The following WWP1 variants were observed in gnomAD, a reference collection of about 807,000 sequenced individuals.
The protein encoded by WWP1 is WW domain containing E3 ubiquitin protein ligase 1.
Under a neutral mutation model 130.6 loss-of-function variants are expected in WWP1, and 49 were observed. The ratio of observed to expected loss-of-function variants is 0.38; its 90% CI spans 0.30 to 0.48. The LOEUF is 0.48. Among genes scored for constraint, WWP1 ranks in the 20% least tolerant of loss-of-function variants. WWP1 has a pLI of 0.99. For synonymous variants in WWP1, 332 were observed against 367.8 expected, an observed-to-expected ratio of 0.90 and a Z score of 1.11; for missense variants, 809 against 1,100.6, an observed-to-expected ratio of 0.74 and a Z score of 3.75.
chr8:86,351,206 T>A (rs1822897847), intron 1 of WWP1, among the ~76,000 whole-genome samples: 1 of 152,238 alleles, frequency 6.6e-6, no homozygotes, highest in South Asian at 2.1e-4. Flanking sequence ...TAAATCATGT[T>A]TATTGCTCGT....
intron 17 of WWP1, 48 bp downstream of exon 17, chr8:86,438,721 T>A: frequency 7.0e-7 from 1 of 1,426,216 alleles, no homozygotes; most frequent in Non-Finnish European, 9.5e-7. Context: ...TATCTCATTG[T>A]ATACAGGGAA....
chr8:86,360,653 G>C (rs538087390), intron 1 of WWP1, among the ~76,000 whole-genome samples: 1 of 152,300 alleles, frequency 6.6e-6, no homozygotes, highest in South Asian at 2.1e-4. Context: ...CTATTAATTG[G>C]GGGCCTTTCC....
chr8:86,394,564 T>C (rs148677272), intron 5 of WWP1, among the ~76,000 whole-genome samples: 4 of 152,264 alleles, frequency 2.6e-5, no homozygotes, highest in Admixed American at 2.6e-4. Flanking sequence ...AGCAAAGCAG[T>C]GGTAAGGAGG....
At chr8:86,463,050 G>A (rs1811851180) in intron 24 of WWP1, among the ~76,000 whole-genome samples, 1 of 152,138 alleles carries the variant, frequency 6.6e-6, no homozygotes, top group South Asian at 2.1e-4. Context: ...TTTCTTGAAG[G>A]AAAGCTTTTG....
intron 5 of WWP1, among the ~76,000 whole-genome samples, chr8:86,387,934 G>A (rs1586322623): frequency 6.6e-6 from 1 of 152,178 alleles, no homozygotes; most frequent in Admixed American, 6.5e-5. Flanking sequence ...TGCAGTGATG[G>A]TTATATTCTG....
chr8:86,359,845 C>T (rs1007608750), intron 1 of WWP1, among the ~76,000 whole-genome samples: 5 of 151,914 alleles, frequency 3.3e-5, no homozygotes, highest in East Asian at 1.9e-4. Context: ...GTCAGGAGAT[C>T]GAGACCATCC....
In WWP1 at chr8:86,427,765, G is replaced by A. The variant is rs753733811; in HGVS notation, c.1280G>A (p.Arg427Gln). Reference sequence around the variant, plus strand: ...AATTTTGAACAGTGGCAATCTCAGCGGAACCAATTGCAGGGAGCTATGCAA... The same window carrying A: ...AATTTTGAACAGTGGCAATCTCAGCAGAACCAATTGCAGGGAGCTATGCAA... The part of the protein sequence containing the change: ...VRNFEQWQSQ[R>Q]NQLQGAMQQF... Residue 427 changes from arginine (R) to glutamine (Q), a missense_variant, in exon 11 of 25, where the codon CGG becomes CAG. Coordinates refer to ENST00000517970, the MANE Select transcript of WWP1 (RefSeq NM_007013.4). 2.6e-5 allele frequency: 42 copies of A among 1,613,704 alleles called. No individual in the cohort carries two copies. Among genetic ancestry groups the A allele is most frequent in the East Asian group, 4.5e-5 (2 of 44,880 alleles).
At chr8:86,373,947 T>C (rs763692029) in intron 2 of WWP1, 83 bp from the exon 3 acceptor site, 1 of 1,011,492 alleles carries the variant, frequency 9.9e-7, no homozygotes, top group Non-Finnish European at 1.4e-6. Flanking sequence ...AACTTCTTAG[T>C]TGATTTAAAC....
intron 16 of WWP1, among the ~76,000 whole-genome samples, chr8:86,437,586 A>T (rs1048570152): frequency 1.3e-5 from 2 of 152,160 alleles, no homozygotes; most frequent in Non-Finnish European, 2.9e-5. Flanking sequence ...TCCATTTAAT[A>T]CTAGAAGGAG....
intron 9 of WWP1, among the ~76,000 whole-genome samples, chr8:86,412,981 A>G (rs779305034): frequency 5.3e-5 from 8 of 152,232 alleles, no homozygotes; most frequent in Non-Finnish European, 1.0e-4. Context: ...GGCACCCGCC[A>G]CTATGCCCAG....
chr8:86,396,313 A>G (rs1248546104), intron 5 of WWP1, among the ~76,000 whole-genome samples: 1 of 151,856 alleles, frequency 6.6e-6, no homozygotes, highest in Non-Finnish European at 1.5e-5. Flanking sequence ...GTTGGCCAGG[A>G]TGGTCTTGAT....
intron 1 of WWP1, among the ~76,000 whole-genome samples, chr8:86,350,990 C>T (rs1042474939): frequency 4.6e-5 from 7 of 152,146 alleles, no homozygotes; most frequent in South Asian, 2.1e-4. Context: ...AAGTTTTTAA[C>T]GGTAGAGGCA....
chr8:86,461,472 C>A, intron 23 of WWP1, 152 bp downstream of exon 23: 1 of 694,372 alleles, frequency 1.4e-6, no homozygotes, highest in Non-Finnish European at 2.4e-6. Flanking sequence ...TGGCTAATAT[C>A]AAAGCACTTG....
intron 1 of WWP1, among the ~76,000 whole-genome samples, chr8:86,363,918 G>A (rs1199376415): frequency 6.6e-6 from 1 of 152,076 alleles, no homozygotes; most frequent in African/African-American, 2.4e-5. Context: ...TAGTGTACGT[G>A]AAACACATTT....
intron 23 of WWP1, 76 bp downstream of exon 23, chr8:86,461,396 G>C: frequency 1.6e-6 from 2 of 1,245,386 alleles, no homozygotes; most frequent in Non-Finnish European, 2.3e-6. Context: ...CAATAGACTT[G>C]ATTGAACCTA....
intron 11 of WWP1, among the ~76,000 whole-genome samples, chr8:86,428,190 C>A (rs188730769): frequency 6.6e-6 from 1 of 152,068 alleles, no homozygotes; most frequent in East Asian, 1.9e-4. Flanking sequence ...TACTTAGAGC[C>A]AGTCTTGCAG....
At chr8:86,410,703 A>C (rs1031641531) in intron 8 of WWP1, among the ~76,000 whole-genome samples, 7 of 78,090 alleles carry the variant, frequency 9.0e-5, no homozygotes, top group Non-Finnish European at 1.6e-4. Flanking sequence ...TCTTCTACTT[A>C]CTTTTTTTTT....
chr8:86,451,042 T>C (rs914774787), intron 20 of WWP1, among the ~76,000 whole-genome samples: 1 of 150,624 alleles, frequency 6.6e-6, no homozygotes, highest in Non-Finnish European at 1.5e-5. Context: ...CAAAACCTCA[T>C]CTCTACAAAA....
At chr8:86,411,445 G>A (rs761088295) in intron 8 of WWP1, 93 bp from the exon 9 acceptor site, 3 of 1,105,178 alleles carry the variant, frequency 2.7e-6, no homozygotes, top group Non-Finnish European at 3.9e-6. Flanking sequence ...TGCTTAGTCT[G>A]GATTAGGCTC....
Sources: allele counts gnomAD v4.1 joint callset (sites outside exome capture counted in the v4.1 genomes callset), GRCh38; gene constraint gnomAD v4.1.1; transcripts MANE v1.5; gene names NCBI Gene and HGNC (gene_info 2026-07-23, HGNC 2026-07-21).